The following COL6A3 variants were observed in gnomAD, a reference collection of about 807,000 sequenced individuals.
COL6A3 encodes the protein collagen type VI alpha 3 chain.
In COL6A3, 137 loss-of-function variants were observed where a neutral mutation model predicts 274.1. That is an observed-to-expected ratio of 0.50 (90% CI 0.44 to 0.58). The LOEUF (loss-of-function observed/expected upper bound fraction) is 0.58. COL6A3 is among the 20% of genes least tolerant of loss of function. The pLI is 0.00. For synonymous variants in COL6A3, 1,650 were observed against 1,650.6 expected, an observed-to-expected ratio of 1.00 and a Z score of 0.01; for missense variants, 3,950 against 4,124.9, an observed-to-expected ratio of 0.96 and a Z score of 1.16.
chr2:237,349,566 A>G (rs1167954557), intron 28 of COL6A3, among the ~76,000 whole-genome samples: 1 of 152,150 alleles, frequency 6.6e-6, no homozygotes, highest in East Asian at 1.9e-4. Context: ...GTTAGGTGCC[A>G]TGACTCCTTT....
At chr2:237,387,224 T>A (rs753698001) in intron 4 of COL6A3, among the ~76,000 whole-genome samples, 26 of 152,208 alleles carry the variant, frequency 1.7e-4, no homozygotes, top group Admixed American at 2.6e-4. Context: ...GGAGTAACTT[T>A]CTCAGAACTG....
At position 237,377,225 on chromosome 2, in the gene COL6A3, TC is replaced by T; in HGVS notation, c.2616del (p.Thr873ProfsTer28). On this transcript the variant is annotated frameshift_variant, in exon 7 of 44. Coordinates refer to ENST00000295550, the MANE Select transcript of COL6A3 (RefSeq NM_004369.4). LOFTEE classifies it high-confidence loss of function. ...IIDELNVKPE[G>X]TRIAVAQYSD... Reference sequence around the variant, plus strand: ...CTGTACTGAGCCACCGCAATTCGGGTCCCCTCTGGCTTCACATTGAGCTCAT... The same window carrying T: ...CTGTACTGAGCCACCGCAATTCGGGTCCCTCTGGCTTCACATTGAGCTCAT... The T allele has an allele frequency of 6.2e-7, 1 of 1,613,236 alleles. No individual in the cohort carries two copies. The highest frequency in any genetic ancestry group is 8.5e-7 in the Non-Finnish European group (1 of 1,180,010).
chr2:237,387,461 T>A, intron 4 of COL6A3, 121 bp downstream of exon 4: 1 of 1,452,856 alleles, frequency 6.9e-7, no homozygotes, highest in Non-Finnish European at 9.5e-7. Flanking sequence ...AGGGAAGGAC[T>A]GGACTGTGGG....
chr2:237,371,591 C>A lies in COL6A3; in HGVS notation c.4285+141G>T. 1 of 1,486,092 alleles carries A rather than the reference C, an allele frequency of 6.7e-7. No individual in the cohort carries two copies. Among genetic ancestry groups the A allele is most frequent in the Non-Finnish European group, 8.9e-7 (1 of 1,125,830 alleles). The allele number at this position is 1,486,092 out of a possible 1,614,324, so 92.1% of individuals were successfully genotyped here. ...CCAGCCTGGACGACAGAGCCAGACC[C>A]TGTCTCAAAATAAAAACCATAAAGG... On this transcript the variant is annotated intron_variant, in intron 9 of 43. Coordinates refer to ENST00000295550, the MANE Select transcript of COL6A3 (RefSeq NM_004369.4). The surrounding 1 kb of genome is among the most constrained non-coding windows in gnomAD (Gnocchi z 4.3).
rs1166183123 is a variant in COL6A3 at position 237,377,252 on chromosome 2, C to T, written c.2590G>A (p.Asp864Asn). The T allele has an allele frequency of 6.2e-7, 1 of 1,610,852 alleles. No individual in the cohort carries two copies. Among genetic ancestry groups the T allele is most frequent in the South Asian group, 1.1e-5 (1 of 91,058 alleles). ...VVRDFLYKII[D>N]ELNVKPEGTR... Reference sequence around the variant, plus strand: ...CCCTCTGGCTTCACATTGAGCTCATCGATAATCTTGTAGAGAAAGTCACGG... The same window carrying T: ...CCCTCTGGCTTCACATTGAGCTCATTGATAATCTTGTAGAGAAAGTCACGG... The change falls in exon 7 of 44, where the codon GAT (aspartate) becomes AAT (asparagine). Residue 864 changes from aspartate to asparagine, a missense_variant. Coordinates refer to ENST00000295550, the MANE Select transcript of COL6A3 (RefSeq NM_004369.4).
intron 1 of COL6A3, among the ~76,000 whole-genome samples, chr2:237,412,714 A>G (rs1365988549): frequency 6.6e-6 from 1 of 152,166 alleles, no homozygotes; most frequent in Non-Finnish European, 1.5e-5. Context: ...CAGCATTAAG[A>G]ATGGGACCCT....
At chr2:237,409,957 C>A (rs1402778478) in intron 1 of COL6A3, among the ~76,000 whole-genome samples, 1 of 152,180 alleles carries the variant, frequency 6.6e-6, no homozygotes, top group Non-Finnish European at 1.5e-5. Context: ...AACAAAGATG[C>A]CTCCTTTGAT....
chr2:237,409,287 CTTTT>C (rs143013826), intron 1 of COL6A3, among the ~76,000 whole-genome samples: 1,703 of 152,090 alleles, frequency 0.011, 36 homozygotes, highest in African/African-American at 0.039. Context: ...AATGTATTCT[CTTTT>C]TTTATTATTT....
chr2:237,402,632 T>C (rs1439167286), intron 1 of COL6A3, among the ~76,000 whole-genome samples: 1 of 152,174 alleles, frequency 6.6e-6, no homozygotes, highest in Non-Finnish European at 1.5e-5. Context: ...CTAAATAAGA[T>C]TTGGAAAGAA....
intron 41 of COL6A3, among the ~76,000 whole-genome samples, chr2:237,334,090 G>T (rs1700403212): frequency 1.3e-5 from 2 of 152,206 alleles, no homozygotes; most frequent in Non-Finnish European, 2.9e-5. Context: ...AGGCCTCAGT[G>T]AAATGGGGGG....
intron 17 of COL6A3, 140 bp from the exon 18 acceptor site, chr2:237,359,528 C>G: frequency 1.1e-6 from 1 of 892,176 alleles, no homozygotes; most frequent in Non-Finnish European, 1.9e-6. Flanking sequence ...GAGTCCTACC[C>G]CTTTGGATTC....
At chr2:237,348,415 T>C in intron 29 of COL6A3, 31 bp from the exon 30 acceptor site, 1 of 1,552,808 alleles carries the variant, frequency 6.4e-7, no homozygotes, top group Non-Finnish European at 8.9e-7. Context: ...ATTTAATACT[T>C]GGTTCTAATT....
Position 237,374,344 on chromosome 2 carries a change from G to T in COL6A3, c.3679+68C>A. On this transcript the variant is annotated intron_variant, in intron 8 of 43. Coordinates refer to ENST00000295550, the MANE Select transcript of COL6A3 (RefSeq NM_004369.4). This position sits in a 1 kb window ranked among gnomAD's most constrained non-coding sequence, Gnocchi z 4.8. ...AAAGCAAAATTGAGAACACCTTGTG[G>T]CCCACAGTCCAGACAAGTAGCCCCA... 1 of 1,595,164 alleles carries T rather than the reference G, an allele frequency of 6.3e-7. No individual in the cohort carries two copies. Among genetic ancestry groups the T allele is most frequent in the Non-Finnish European group, 8.5e-7 (1 of 1,174,578 alleles).
Position 237,374,555 on chromosome 2 carries a change from G to A in COL6A3, c.3536C>T (p.Ser1179Phe). Residue 1179 changes from serine to phenylalanine, a missense_variant, in exon 8 of 44, where the codon TCC becomes TTC. Around this residue, in one of 5 missense-constraint regions of COL6A3, gnomAD observed 1,934 missense variants for 1,984.3 expected, o/e 0.97. Transcript: ENST00000295550. The surrounding 1 kb of genome is among the most constrained non-coding windows in gnomAD (Gnocchi z 4.8). ...NADITEMQTISFIPDFAVAIP... is the reference protein window; with the variant it reads ...NADITEMQTIFFIPDFAVAIP... ...GGCCACGGCAAAGTCCGGGATGAAG[G>A]AGATGGTCTGCATCTCTGTGATGTC... 6.2e-7 allele frequency: 1 copy of A among 1,614,224 alleles called. No individual in the cohort carries two copies. The highest frequency in any genetic ancestry group is 1.1e-5 in the South Asian group (1 of 91,086).
intron 42 of COL6A3, chr2:237,329,529 A>C (rs904641496): frequency 6.6e-6 from 1 of 152,258 alleles, no homozygotes; most frequent in Non-Finnish European, 1.5e-5. Flanking sequence ...AACAACAGAC[A>C]GCCTGGAGAG....
At chr2:237,366,242 G>C (rs1347681671) in intron 11 of COL6A3, among the ~76,000 whole-genome samples, 1 of 152,186 alleles carries the variant, frequency 6.6e-6, no homozygotes, top group African/African-American at 2.4e-5. Context: ...GTGCCAAATA[G>C]TAAGCTATTT....
At chr2:237,401,948 G>A (rs1477013844) in intron 1 of COL6A3, among the ~76,000 whole-genome samples, 2 of 152,084 alleles carry the variant, frequency 1.3e-5, no homozygotes, top group East Asian at 1.9e-4. Context: ...GCCTTCCTAA[G>A]TGCTGGGATT....
chr2:237,360,546 G>T (rs1433022859), intron 16 of COL6A3, among the ~76,000 whole-genome samples: 1 of 152,120 alleles, frequency 6.6e-6, no homozygotes, highest in Non-Finnish European at 1.5e-5. Context: ...CTGGGCCCTG[G>T]TGACCACACT....
intron 28 of COL6A3, among the ~76,000 whole-genome samples, 170 bp downstream of exon 28, chr2:237,349,976 TA>T (rs1431790747): frequency 6.6e-6 from 1 of 152,124 alleles, no homozygotes; most frequent in African/African-American, 2.4e-5. Flanking sequence ...GCCAATAAAA[TA>T]AAACTTGTTA....
Sources: allele counts gnomAD v4.1 joint callset (sites outside exome capture counted in the v4.1 genomes callset), GRCh38; gene constraint gnomAD v4.1.1; regional missense constraint gnomAD v4.1.1; non-coding constraint Gnocchi (gnomAD v3.1); transcripts MANE v1.5; gene names NCBI Gene and HGNC (gene_info 2026-07-23, HGNC 2026-07-21).